KCNQ5: variants seen among roughly 807,000 people sequenced by gnomAD.
KCNQ5 encodes potassium voltage-gated channel subfamily KQT member 5.
A neutral mutation model predicts 98.2 loss-of-function variants in KCNQ5; 30 were observed. That is an observed-to-expected ratio of 0.31 (90% CI 0.23 to 0.41). KCNQ5 has a LOEUF of 0.41. Among genes scored for constraint, KCNQ5 ranks in the 10% least tolerant of loss-of-function variants. KCNQ5 has a pLI of 1.00. For synonymous variants in KCNQ5, 458 were observed against 449.4 expected (o/e 1.02, Z -0.24); for missense variants, 835 against 1,182.5 (o/e 0.71, Z 4.31).
chr6:72,758,110 C>T (rs952688801), intron 1 of KCNQ5, among the ~76,000 whole-genome samples: 1 of 151,880 alleles, frequency 6.6e-6, no homozygotes, highest in Non-Finnish European at 1.5e-5. Flanking sequence ...AAGGGGAACA[C>T]TGAAGATGGA....
intron 3 of KCNQ5, among the ~76,000 whole-genome samples, chr6:73,070,008 G>A (rs1562160255): frequency 1.3e-5 from 2 of 152,024 alleles, no homozygotes; most frequent in East Asian, 3.9e-4. Context: ...GAGAAAATTA[G>A]ATATGAAACA....
rs77730286 is a variant in KCNQ5 at position 72,873,030 on chromosome 6, C to T, written c.399-130878C>T. Reference sequence around the variant, plus strand: ...AATGAGAGTGCTCACATTTTTGTAGCGGCCCACTAAAGCATTTTATACACT... The same window carrying T: ...AATGAGAGTGCTCACATTTTTGTAGTGGCCCACTAAAGCATTTTATACACT... On this transcript the variant is annotated intron_variant, in intron 1 of 13. Coordinates refer to ENST00000370398, the MANE Select transcript of KCNQ5 (RefSeq NM_019842.4). Among the ~76,000 whole-genome samples the T allele has an allele frequency of 4.8e-3, 723 of 152,050 alleles. 5 individuals carry two copies. The highest frequency in any genetic ancestry group is 0.017 in the African/African-American group (687 of 41,506).
intron 1 of KCNQ5, among the ~76,000 whole-genome samples, chr6:72,627,577 G>A (rs540116803): frequency 1.8e-4 from 28 of 152,336 alleles, no homozygotes; most frequent in African/African-American, 6.0e-4. Flanking sequence ...TGCAGCTTCA[G>A]TGGAGTGCTA....
intron 3 of KCNQ5, chr6:73,055,039 A>C: frequency 1.8e-6 from 1 of 569,690 alleles, no homozygotes; most frequent in Non-Finnish European, 3.3e-6. Context: ...ATCCCTGTGC[A>C]CCAACAACAT....
intron 3 of KCNQ5, among the ~76,000 whole-genome samples, chr6:73,060,927 C>A (rs1772750944): frequency 6.6e-6 from 1 of 152,122 alleles, no homozygotes; most frequent in East Asian, 1.9e-4. Flanking sequence ...AGGGGTATCA[C>A]CCTTATGGAA....
At chr6:72,716,549 C>G (rs1157008075) in intron 1 of KCNQ5, among the ~76,000 whole-genome samples, 5 of 152,164 alleles carry the variant, frequency 3.3e-5, no homozygotes, top group Non-Finnish European at 7.4e-5. Flanking sequence ...TCAGGAGAAG[C>G]TTTACTTTTT....
At chr6:73,067,656 A>G (rs1773112451) in intron 3 of KCNQ5, among the ~76,000 whole-genome samples, 1 of 152,160 alleles carries the variant, frequency 6.6e-6, no homozygotes, top group Non-Finnish European at 1.5e-5. Flanking sequence ...AAGTCTGTGT[A>G]CTGAGCATCC....
chr6:72,899,770 C>G (rs1385500401), intron 1 of KCNQ5, among the ~76,000 whole-genome samples: 1 of 151,984 alleles, frequency 6.6e-6, no homozygotes, highest in African/African-American at 2.4e-5. Context: ...ATACACTTCA[C>G]CCTCTGTGTA....
chr6:73,056,849 G>A (rs1457158785), intron 3 of KCNQ5, among the ~76,000 whole-genome samples: 3 of 152,158 alleles, frequency 2.0e-5, no homozygotes, highest in African/African-American at 4.8e-5. Context: ...AGAGGATGTG[G>A]AGAAATAGGA....
intron 1 of KCNQ5, among the ~76,000 whole-genome samples, chr6:72,663,302 G>T (rs1766622665): frequency 6.6e-6 from 1 of 152,094 alleles, no homozygotes; most frequent in Admixed American, 6.6e-5. Flanking sequence ...TTTCTAAGGA[G>T]GCCTAAAGTT....
intron 10 of KCNQ5, among the ~76,000 whole-genome samples, chr6:73,165,739 G>A (rs182563877): frequency 6.6e-6 from 1 of 152,082 alleles, no homozygotes; most frequent in African/African-American, 2.4e-5. Context: ...GAGGTCAGGA[G>A]TTCGAGACCA....
At chr6:72,635,714 A>G (rs1335006138) in intron 1 of KCNQ5, among the ~76,000 whole-genome samples, 2 of 82,660 alleles carry the variant, frequency 2.4e-5, no homozygotes, top group African/African-American at 5.1e-5. Context: ...CTGTGCTTCT[A>G]CCTTTCTGGA....
At chr6:72,739,385 A>G (rs1314262831) in intron 1 of KCNQ5, among the ~76,000 whole-genome samples, 2 of 152,188 alleles carry the variant, frequency 1.3e-5, no homozygotes, top group Non-Finnish European at 2.9e-5. Context: ...TATCTGGGGT[A>G]TGCTATGGGG....
chr6:72,644,411 T>C (rs553623681), intron 1 of KCNQ5, among the ~76,000 whole-genome samples: 34 of 152,300 alleles, frequency 2.2e-4, no homozygotes, highest in African/African-American at 7.9e-4. Flanking sequence ...TAGATCACCC[T>C]TCAGTCTGGT....
intron 1 of KCNQ5, among the ~76,000 whole-genome samples, chr6:72,821,925 G>A (rs891648662): frequency 2.0e-5 from 3 of 152,042 alleles, no homozygotes; most frequent in Non-Finnish European, 2.9e-5. Flanking sequence ...CCAGGATCAA[G>A]GAGTTCGATC....
chr6:72,753,509 T>C (rs1362672882), intron 1 of KCNQ5, among the ~76,000 whole-genome samples: 3 of 152,106 alleles, frequency 2.0e-5, no homozygotes, highest in African/African-American at 7.2e-5. Context: ...TATAAGAAAA[T>C]GCCAAATGTT....
intron 5 of KCNQ5, among the ~76,000 whole-genome samples, chr6:73,099,293 A>G (rs1774661191): frequency 6.6e-6 from 1 of 152,184 alleles, no homozygotes; most frequent in African/African-American, 2.4e-5. Context: ...AAATGGCAGG[A>G]GTAAGTCCTT....
intron 1 of KCNQ5, among the ~76,000 whole-genome samples, chr6:72,788,547 CTG>C (rs1773873688): frequency 6.6e-6 from 1 of 152,124 alleles, no homozygotes; most frequent in Non-Finnish European, 1.5e-5. Context: ...AAATAGTTTG[CTG>C]TCTTATTTAT....
intron 1 of KCNQ5, among the ~76,000 whole-genome samples, chr6:72,838,866 C>A (rs369301078): frequency 1.4e-5 from 2 of 144,844 alleles, no homozygotes; most frequent in East Asian, 4.2e-4. Context: ...AGGAGAATGG[C>A]GTGAACCCGG....
Sources: allele counts gnomAD v4.1 joint callset (sites outside exome capture counted in the v4.1 genomes callset), GRCh38; gene constraint gnomAD v4.1.1; transcripts MANE v1.5; gene names NCBI Gene and HGNC (gene_info 2026-07-23, HGNC 2026-07-21).